The following ZFYVE9 variants were observed in gnomAD, a reference collection of about 807,000 sequenced individuals.
The protein encoded by ZFYVE9 is zinc finger FYVE domain-containing protein 9.
A neutral mutation model predicts 126.7 loss-of-function variants in ZFYVE9; 43 were observed. The observed-to-expected ratio is 0.34, with a 90% CI of 0.27 to 0.44. The LOEUF is 0.44. Among genes scored for constraint, ZFYVE9 ranks in the 20% least tolerant of loss-of-function variants. The pLI, the probability that ZFYVE9 is intolerant of heterozygous loss-of-function variation, is 1.00. For missense variants in ZFYVE9, 1,476 were observed against 1,697.0 expected (o/e 0.87, Z 2.29); for synonymous variants, 521 against 597.4 (o/e 0.87, Z 1.87).
chr1:52,292,015 G>C (rs576031235), intron 10 of ZFYVE9, among the ~76,000 whole-genome samples: 1 of 148,648 alleles, frequency 6.7e-6, no homozygotes, highest in Non-Finnish European at 1.5e-5. Context: ...ACGGTGGCTC[G>C]CGCCTGTAAT....
At chr1:52,248,709 A>G (rs1324726099) in intron 4 of ZFYVE9, among the ~76,000 whole-genome samples, 1 of 152,238 alleles carries the variant, frequency 6.6e-6, no homozygotes, top group African/African-American at 2.4e-5. Context: ...GGTATTACCA[A>G]TAATGCTACT....
In ZFYVE9 at chr1:52,153,829, A is replaced by T. The variant is rs182105353; in HGVS notation, c.-143+11426A>T. Among the ~76,000 whole-genome samples, 749 of 152,322 alleles carry T rather than the reference A, an allele frequency of 4.9e-3. 1 individual carries two copies. The highest frequency in any genetic ancestry group is 8.8e-3 in the Non-Finnish European group (598 of 68,022). On this transcript the variant is annotated intron_variant, in intron 1 of 18. Coordinates refer to ENST00000287727, the MANE Select transcript of ZFYVE9 (RefSeq NM_004799.4). ...AGAGATGGGAAGCACAAAGTAGATCATTGGGAATGATGGCGAGTAGGGGCT... is the reference window on the plus strand; with the variant it reads ...AGAGATGGGAAGCACAAAGTAGATCTTTGGGAATGATGGCGAGTAGGGGCT...
At chr1:52,203,274 C>T (rs961687867) in intron 1 of ZFYVE9, among the ~76,000 whole-genome samples, 1 of 151,978 alleles carries the variant, frequency 6.6e-6, no homozygotes, top group Admixed American at 6.6e-5. Flanking sequence ...CTCCACCTCC[C>T]AGGCTCAAGT....
chr1:52,190,182 T>A (rs1644804119), intron 1 of ZFYVE9: 2 of 154,426 alleles, frequency 1.3e-5, no homozygotes, highest in Admixed American at 1.3e-4. Flanking sequence ...TCCAATAAGA[T>A]TGTGTTTTAC....
intron 13 of ZFYVE9, among the ~76,000 whole-genome samples, chr1:52,315,701 CAA>C (rs1427812406): frequency 3.3e-5 from 5 of 151,664 alleles, no homozygotes; most frequent in Non-Finnish European, 7.4e-5. Context: ...AAAAAGATAA[CAA>C]GAGATGGGAC....
chr1:52,188,713 C>T (rs1371100809), intron 1 of ZFYVE9, among the ~76,000 whole-genome samples: 1 of 152,084 alleles, frequency 6.6e-6, no homozygotes, highest in Non-Finnish European at 1.5e-5. Flanking sequence ...GACTGAGGTA[C>T]ATGGTAGAAT....
At chr1:52,278,397 C>G (rs939514252) in intron 8 of ZFYVE9, 95 bp from the exon 9 acceptor site, 2 of 1,501,592 alleles carry the variant, frequency 1.3e-6, no homozygotes, top group Non-Finnish European at 1.9e-6. Context: ...AAATGCATGT[C>G]TCTTTTCTGT....
intron 2 of ZFYVE9, among the ~76,000 whole-genome samples, chr1:52,219,417 T>G (rs1161004885): frequency 6.6e-6 from 1 of 152,038 alleles, no homozygotes; most frequent in Non-Finnish European, 1.5e-5. Flanking sequence ...TAGCCCAGTG[T>G]GGTGGGTCCA....
At chr1:52,205,874 A>G (rs1644973802) in intron 1 of ZFYVE9, among the ~76,000 whole-genome samples, 1 of 152,172 alleles carries the variant, frequency 6.6e-6, no homozygotes, top group Non-Finnish European at 1.5e-5. Flanking sequence ...ACCTAGAATG[A>G]TCCGAAATAT....
chr1:52,273,600 G>T (rs1447519027), intron 7 of ZFYVE9, among the ~76,000 whole-genome samples: 1 of 152,038 alleles, frequency 6.6e-6, no homozygotes, highest in Non-Finnish European at 1.5e-5. Context: ...GGAGGCCGAG[G>T]TTGGCGGATC....
chr1:52,344,785 CGAT>C lies in ZFYVE9; in HGVS notation c.3960_3962del (p.Asp1321del). ...GGGAACAGGTGTTTTTCCTAGAAAACGATGACCAGCACAATTGCCTCAGTGATC... is the reference window on the plus strand; with the variant it reads ...GGGAACAGGTGTTTTTCCTAGAAAACGACCAGCACAATTGCCTCAGTGATC... On this transcript the variant is annotated inframe_deletion, in exon 18 of 19. Coordinates refer to ENST00000287727, the MANE Select transcript of ZFYVE9 (RefSeq NM_004799.4). The C allele has an allele frequency of 1.9e-6, 3 of 1,613,588 alleles. No homozygotes were observed. Among genetic ancestry groups the C allele is most frequent in the Non-Finnish European group, 2.5e-6 (3 of 1,179,750 alleles).
rs183084460 is a variant in ZFYVE9, at chr1:52,261,107, T to C, written c.2179-2666T>C. Among the ~76,000 whole-genome samples the C allele has an allele frequency of 2.7e-3, 410 of 152,310 alleles. 1 individual carries two copies. The highest frequency in any genetic ancestry group is 4.7e-3 in the Non-Finnish European group (318 of 68,018). ...ATTTGATGTCTTGTCATTTCCTAAA[T>C]CTTCCCTGACCTTGCCAATCTAGGC... On this transcript the variant is annotated intron_variant, in intron 4 of 18. Transcript: ENST00000287727.
chr1:52,248,815 G>A (rs1372993699), intron 4 of ZFYVE9, among the ~76,000 whole-genome samples: 5 of 152,146 alleles, frequency 3.3e-5, no homozygotes, highest in African/African-American at 4.8e-5. Flanking sequence ...TGGTAGTCCT[G>A]TGTTTGATTT....
At chr1:52,166,820 G>A (rs754713897) in intron 1 of ZFYVE9, among the ~76,000 whole-genome samples, 2 of 152,132 alleles carry the variant, frequency 1.3e-5, no homozygotes, top group African/African-American at 4.8e-5. Flanking sequence ...AGGATCACCC[G>A]AGCCTGGGGA....
chr1:52,156,076 C>T (rs887240996), intron 1 of ZFYVE9, among the ~76,000 whole-genome samples: 1 of 152,192 alleles, frequency 6.6e-6, no homozygotes, highest in Non-Finnish European at 1.5e-5. Context: ...GAGTCCAGAT[C>T]TCTGCAGACT....
rs1057243862 is a variant in ZFYVE9 at position 52,293,536 on chromosome 1, A to C, written c.3109A>C (p.Thr1037Pro). ...SKEHGGFLYV[T>P]STYQSLQDLV... ...AGAACATGGTGGATTCTTATATGTGACATCTACCTACCAGTCACTGCAAGA... is the reference window on the plus strand; with the variant it reads ...AGAACATGGTGGATTCTTATATGTGCCATCTACCTACCAGTCACTGCAAGA... The change falls in exon 11 of 19, where the codon ACA becomes CCA. Residue 1037 changes from threonine (T) to proline (P), a missense_variant. Around this residue, in one of 2 missense-constraint regions of ZFYVE9, gnomAD observed 669 missense variants for 902.4 expected, o/e 0.74. Coordinates refer to ENST00000287727, the MANE Select transcript of ZFYVE9 (RefSeq NM_004799.4). The C allele has an allele frequency of 3.1e-6, 5 of 1,614,078 alleles. No individual in the cohort carries two copies. Among genetic ancestry groups the C allele is most frequent in the Non-Finnish European group, 4.2e-6 (5 of 1,180,020 alleles).
intron 1 of ZFYVE9, among the ~76,000 whole-genome samples, chr1:52,212,009 C>A (rs761186911): frequency 3.0e-4 from 46 of 152,132 alleles, no homozygotes; most frequent in Non-Finnish European, 5.7e-4. Context: ...AATGATGGTT[C>A]TTTAACGTTC....
chr1:52,239,351 A>G lies in ZFYVE9; in HGVS notation c.1934A>G (p.Asn645Ser), dbSNP rs761466408. 1 of 1,614,218 alleles carries G rather than the reference A, an allele frequency of 6.2e-7. No individual in the cohort carries two copies. Among genetic ancestry groups the G allele is most frequent in the Non-Finnish European group, 8.5e-7 (1 of 1,180,014 alleles). ...GGAAACATCTCTAATGTCGATACAA[A>G]TGGGGAACATTTAGAAAGTTATGAG... ...SLGNISNVDTNGEHLESYEAE... is the reference protein window; with the variant it reads ...SLGNISNVDTSGEHLESYEAE... Residue 645 changes from asparagine (N) to serine (S), a missense_variant, in exon 4 of 19, where the codon AAT (asparagine) becomes AGT (serine). By Grantham distance (46) the Asn-to-Ser change is conservative. Around this residue, in one of 2 missense-constraint regions of ZFYVE9, gnomAD observed 807 missense variants for 794.6 expected, o/e 1.02. Coordinates refer to ENST00000287727, the MANE Select transcript of ZFYVE9 (RefSeq NM_004799.4).
chr1:52,181,607 T>C (rs1644704412), intron 1 of ZFYVE9, among the ~76,000 whole-genome samples: 1 of 148,528 alleles, frequency 6.7e-6, no homozygotes, highest in Non-Finnish European at 1.5e-5. Flanking sequence ...GGAGCGTCTC[T>C]GCCCGCCCGC....
Sources: allele counts gnomAD v4.1 joint callset (sites outside exome capture counted in the v4.1 genomes callset), GRCh38; gene constraint gnomAD v4.1.1; regional missense constraint gnomAD v4.1.1; transcripts MANE v1.5; gene names NCBI Gene and HGNC (gene_info 2026-07-23, HGNC 2026-07-21).